Variants in TBC1D15 observed in about 807,000 individuals in gnomAD.
The protein encoded by TBC1D15 is GAP for RAB7.
Under a neutral mutation model 95.4 loss-of-function variants are expected in TBC1D15, and 39 were observed. The observed-to-expected ratio is 0.41, with a 90% CI of 0.32 to 0.53. TBC1D15 has a LOEUF of 0.53. Ranked by LOEUF, TBC1D15 falls within the 20% of genes least tolerant of loss-of-function variation. TBC1D15 has a pLI of 0.29. For synonymous variants in TBC1D15, 258 were observed against 261.3 expected, an observed-to-expected ratio of 0.99 and a Z score of 0.12; for missense variants, 733 against 794.3, an observed-to-expected ratio of 0.92 and a Z score of 0.93.
intron 5 of TBC1D15, among the ~76,000 whole-genome samples, chr12:71,888,844 CTTT>C (rs112009881): frequency 7.6e-5 from 9 of 118,696 alleles, no homozygotes; most frequent in African/African-American, 2.6e-4. Flanking sequence ...ATACATGTTT[CTTT>C]TTTTTTTTTT....
chr12:71,852,702 G>T (rs541148210), intron 1 of TBC1D15, among the ~76,000 whole-genome samples: 49 of 152,272 alleles, frequency 3.2e-4, no homozygotes, highest in South Asian at 2.3e-3. Flanking sequence ...GATCCCTAGA[G>T]CAGGGGCACA....
intron 3 of TBC1D15, among the ~76,000 whole-genome samples, chr12:71,878,706 G>A (rs1240711225): frequency 7.0e-6 from 1 of 143,674 alleles, no homozygotes; most frequent in Non-Finnish European, 1.5e-5. Flanking sequence ...AGTAGAGACG[G>A]GGGTTTTGCC....
At position 71,880,708 on chromosome 12, in the gene TBC1D15, G is replaced by A. The variant is rs1039415130; in HGVS notation, c.343+101G>A. ...GTGAATGCTCCTCAGTGAGAAGGATGATTAATTTCTTTGGTTAATAGGTAT... is the reference window on the plus strand; with the variant it reads ...GTGAATGCTCCTCAGTGAGAAGGATAATTAATTTCTTTGGTTAATAGGTAT... On this transcript the variant is annotated intron_variant, in intron 4 of 16. Coordinates refer to ENST00000485960, the MANE Select transcript of TBC1D15 (RefSeq NM_001146213.3). The A allele has an allele frequency of 9.8e-5, 127 of 1,294,406 alleles. No homozygotes were observed. In the East Asian group the frequency reaches 3.3e-3, roughly 33 times the overall value. 80.2% of individuals were successfully genotyped at this position (1,294,406 alleles called of 1,614,324 possible). A position where few individuals can be genotyped will look rare whatever the true frequency, so the allele number is the denominator to read the frequency against.
chr12:71,913,778 T>C (rs777120779), intron 11 of TBC1D15, 48 bp from the exon 12 acceptor site: 3 of 1,307,910 alleles, frequency 2.3e-6, no homozygotes, highest in African/African-American at 3.1e-5. Context: ...TTGCAGAAGG[T>C]TACATAAAAC....
chr12:71,903,226 TAAAAG>T (rs1444250997), intron 10 of TBC1D15, among the ~76,000 whole-genome samples: 2 of 152,118 alleles, frequency 1.3e-5, no homozygotes, highest in African/African-American at 2.4e-5. Context: ...AGACACGTCT[TAAAAG>T]AAGACATAAA....
intron 4 of TBC1D15, among the ~76,000 whole-genome samples, chr12:71,881,144 A>G (rs1363876198): frequency 6.6e-6 from 1 of 152,214 alleles, no homozygotes. Context: ...TAAGATTATA[A>G]TGGAGCTGAA....
chr12:71,873,021 G>A lies in TBC1D15; in HGVS notation c.204+18G>A, dbSNP rs1893017033. ...CTAGAAAGGTATTTAAGAAAAAAAT[G>A]TGTTACTAAGGGAATGCCATTTAAA... On this transcript the variant is annotated intron_variant, in intron 3 of 16. Coordinates refer to ENST00000485960, the MANE Select transcript of TBC1D15 (RefSeq NM_001146213.3). The A allele has an allele frequency of 6.5e-7, 1 of 1,528,836 alleles. No individual in the cohort carries two copies. Among genetic ancestry groups the A allele is most frequent in the Non-Finnish European group, 9.0e-7 (1 of 1,116,512 alleles). 94.7% of individuals were successfully genotyped at this position (1,528,836 alleles called of 1,614,324 possible). A position where few individuals can be genotyped will look rare whatever the true frequency, so the allele number is the denominator to read the frequency against.
intron 10 of TBC1D15, among the ~76,000 whole-genome samples, chr12:71,904,058 T>C (rs1288443807): frequency 2.0e-5 from 3 of 152,064 alleles, no homozygotes. Context: ...GTAGTACAGT[T>C]ACAAAAAAAG....
rs1203993309 is a variant in TBC1D15 at position 71,880,525 on chromosome 12, A to G, written c.261A>G (p.Gly87=). 8 of 1,613,150 alleles carry G rather than the reference A, an allele frequency of 5.0e-6. No homozygotes were observed. The highest frequency in any genetic ancestry group is 6.8e-6 in the Non-Finnish European group (8 of 1,179,544). ...TQAPKERGHR[G]SEHLNSYEAE... is the part of the protein sequence containing the mutation. ...CCCCAAAAGAAAGAGGTCATCGAGG[A>G]TCAGAACATCTGAACAGTTACGAAG... Residue 87 remains glycine (G), a synonymous_variant, in exon 4 of 17, where the codon GGA becomes GGG. Coordinates refer to ENST00000485960, the MANE Select transcript of TBC1D15 (RefSeq NM_001146213.3).
chr12:71,885,155 G>A (rs1895989748), intron 5 of TBC1D15, 134 bp downstream of exon 5: 1 of 738,428 alleles, frequency 1.4e-6, no homozygotes, highest in Non-Finnish European at 2.2e-6. Context: ...TTTTTTCTGG[G>A]ATATTGATTT....
intron 1 of TBC1D15, among the ~76,000 whole-genome samples, chr12:71,858,466 G>A (rs1410610452): frequency 6.8e-6 from 1 of 147,698 alleles, no homozygotes; most frequent in Non-Finnish European, 1.5e-5. Context: ...ACTTGGGAGT[G>A]CTTCTTTGAC....
Position 71,907,148 on chromosome 12 carries a change from C to G in TBC1D15, c.1300+10C>G, listed in dbSNP as rs1193311741. 1 of 1,470,830 alleles carries G rather than the reference C, an allele frequency of 6.8e-7. No homozygotes were observed. Among genetic ancestry groups the G allele is most frequent in the Admixed American group, 1.9e-5 (1 of 52,578 alleles). 91.1% of individuals were successfully genotyped at this position (1,470,830 alleles called of 1,614,324 possible). ...TATGATTTTGATTTAGGTAAGTTCTCTAAAGTTCTAATTTTAAAAGATGTA... is the reference window on the plus strand; with the variant it reads ...TATGATTTTGATTTAGGTAAGTTCTGTAAAGTTCTAATTTTAAAAGATGTA... On this transcript the variant is annotated intron_variant, in intron 11 of 16. Transcript: ENST00000485960.
chr12:71,858,581 A>T (rs1592708507), intron 1 of TBC1D15, among the ~76,000 whole-genome samples: 2 of 119,020 alleles, frequency 1.7e-5, no homozygotes, highest in Non-Finnish European at 1.7e-5. Context: ...TTTGAGATAG[A>T]GTCTCTTTGT....
At chr12:71,875,447 A>G (rs1893590928) in intron 3 of TBC1D15, among the ~76,000 whole-genome samples, 1 of 151,868 alleles carries the variant, frequency 6.6e-6, no homozygotes. Context: ...TATCCAGGAA[A>G]CCAGTACCTA....
intron 3 of TBC1D15, among the ~76,000 whole-genome samples, chr12:71,875,955 A>G (rs1470032518): frequency 6.6e-6 from 1 of 151,698 alleles, no homozygotes; most frequent in Non-Finnish European, 1.5e-5. Flanking sequence ...GCACGTCACC[A>G]CACCTGGCTA....
intron 1 of TBC1D15, among the ~76,000 whole-genome samples, chr12:71,848,063 C>T (rs945574602): frequency 1.3e-5 from 2 of 152,148 alleles, no homozygotes; most frequent in African/African-American, 4.8e-5. Flanking sequence ...TGCCACTGCA[C>T]GCCAGCCTGG....
intron 5 of TBC1D15, 150 bp from the exon 6 acceptor site, chr12:71,893,072 A>G: frequency 2.1e-6 from 1 of 486,150 alleles, no homozygotes; most frequent in Non-Finnish European, 3.6e-6. Context: ...TAAAATAGTT[A>G]CTAAATATTT....
intron 11 of TBC1D15, among the ~76,000 whole-genome samples, chr12:71,908,674 C>T (rs1263298502): frequency 6.6e-6 from 1 of 152,130 alleles, no homozygotes; most frequent in Non-Finnish European, 1.5e-5. Context: ...CTATGAGAAC[C>T]TATAATGAGC....
chr12:71,890,668 T>C (rs1394614946), intron 5 of TBC1D15, among the ~76,000 whole-genome samples: 2 of 152,176 alleles, frequency 1.3e-5, no homozygotes, highest in Non-Finnish European at 2.9e-5. Context: ...AGGCTAGTCA[T>C]GTGTAGTTCC....
Sources: gnomAD v4.1 joint callset for allele counts (sites outside exome capture counted in the v4.1 genomes callset) on GRCh38, gnomAD v4.1.1 for gene constraint, MANE v1.5 for transcripts, NCBI Gene and HGNC (gene_info 2026-07-23, HGNC 2026-07-21) for gene names.